The following NUP133 variants were observed in gnomAD, a reference collection of about 807,000 sequenced individuals.
The protein encoded by NUP133 is nuclear pore complex protein Nup133.
In NUP133, 66 loss-of-function variants were observed where a neutral mutation model predicts 146.2. That is an observed-to-expected ratio of 0.45 (90% CI 0.37 to 0.55). The LOEUF is 0.55. Among genes scored for constraint, NUP133 ranks in the 20% least tolerant of loss-of-function variants. The pLI, the probability that NUP133 is intolerant of heterozygous loss-of-function variation, is 0.00. For missense variants in NUP133, 1,277 were observed against 1,374.8 expected, an observed-to-expected ratio of 0.93 and a Z score of 1.12; for synonymous variants, 521 against 498.8, an observed-to-expected ratio of 1.04 and a Z score of -0.59.
intron 12 of NUP133, among the ~76,000 whole-genome samples, chr1:229,479,826 G>A (rs1415005746): frequency 6.6e-6 from 1 of 152,214 alleles, no homozygotes; most frequent in Non-Finnish European, 1.5e-5. Context: ...GAGAGGGAAT[G>A]TGGTCGACAA....
intron 15 of NUP133, among the ~76,000 whole-genome samples, chr1:229,469,671 G>A (rs2102761747): frequency 6.6e-6 from 1 of 152,362 alleles, no homozygotes; most frequent in East Asian, 1.9e-4. Context: ...CACAGCCAAT[G>A]TAAAGTGCGC....
chr1:229,455,049 T>C (rs1041785906), intron 21 of NUP133, among the ~76,000 whole-genome samples: 1 of 152,134 alleles, frequency 6.6e-6, no homozygotes, highest in Non-Finnish European at 1.5e-5. Context: ...AAATTAACTA[T>C]CCAAGGTCAC....
At chr1:229,504,146 T>A (rs1235436554) in intron 2 of NUP133, among the ~76,000 whole-genome samples, 1 of 152,138 alleles carries the variant, frequency 6.6e-6, no homozygotes, top group Non-Finnish European at 1.5e-5. Context: ...TTTCAGCATT[T>A]TTTTTTTACT....
chr1:229,505,642 T>C (rs1450665988), intron 2 of NUP133, among the ~76,000 whole-genome samples: 3 of 148,112 alleles, frequency 2.0e-5, no homozygotes, highest in Admixed American at 1.3e-4. Context: ...ATCCCAGCAC[T>C]TTGGGAGGCC....
chr1:229,479,287 C>T (rs1005873512), intron 12 of NUP133, among the ~76,000 whole-genome samples: 33 of 152,124 alleles, frequency 2.2e-4, no homozygotes, highest in Non-Finnish European at 1.0e-4. Flanking sequence ...TGAAAACATG[C>T]TGTGAATTTT....
intron 25 of NUP133, among the ~76,000 whole-genome samples, chr1:229,442,674 TA>T (rs201068109): frequency 3.4e-5 from 5 of 145,528 alleles, no homozygotes; most frequent in East Asian, 2.0e-4. Flanking sequence ...GATACTGGTT[TA>T]AAAAAAAAAC....
At position 229,458,300 on chromosome 1, in the gene NUP133, CAAT is replaced by C; in HGVS notation, c.2845-7_2845-5del. ...AACCCAGAAGTGTTGCATGAGCCTA[CAAT>C]AAAATATGCAAACCATCGTAAGATA... On this transcript the variant is annotated splice_polypyrimidine_tract_variant and splice_region_variant and intron_variant, in intron 20 of 25. Transcript: ENST00000261396. 1 of 1,609,288 alleles carries C rather than the reference CAAT, an allele frequency of 6.2e-7. No homozygotes were observed. The highest frequency in any genetic ancestry group is 8.5e-7 in the Non-Finnish European group (1 of 1,177,560).
At chr1:229,472,858 G>C (rs993683812) in intron 14 of NUP133, among the ~76,000 whole-genome samples, 2 of 151,818 alleles carry the variant, frequency 1.3e-5, no homozygotes, top group African/African-American at 4.8e-5. Context: ...GTACTGTTCT[G>C]AAGTGTTGGT....
intron 2 of NUP133, among the ~76,000 whole-genome samples, chr1:229,503,941 G>A (rs1661869825): frequency 6.6e-6 from 1 of 151,870 alleles, no homozygotes; most frequent in South Asian, 2.1e-4. Flanking sequence ...AATGTAAACT[G>A]AAATTTTTAG....
At position 229,441,950 on chromosome 1, in the gene NUP133, A is replaced by C; in HGVS notation, c.3425T>G (p.Phe1142Cys). The C allele has an allele frequency of 6.3e-7, 1 of 1,582,962 alleles. No homozygotes were observed. The highest frequency in any genetic ancestry group is 8.5e-7 in the Non-Finnish European group (1 of 1,171,920). Residue 1142 changes from phenylalanine (F) to cysteine (C), a missense_variant, in exon 26 of 26, where the codon TTT becomes TGT. Physicochemically the swap from Phe to Cys is radical, Grantham distance 205. Transcript: ENST00000261396. The part of the protein sequence containing the change: ...GSLKSNPYFE[F>C]VLKANYEYYV... ...ATATTCATAATTTGCTTTCAAAACAAACTCGAAGTAAGGATTGGACTTTAA... is the reference window on the plus strand; with the variant it reads ...ATATTCATAATTTGCTTTCAAAACACACTCGAAGTAAGGATTGGACTTTAA...
chr1:229,487,272 TA>T (rs1186898686), intron 10 of NUP133, among the ~76,000 whole-genome samples, 193 bp downstream of exon 10: 1 of 152,198 alleles, frequency 6.6e-6, no homozygotes. Context: ...TCTGTAAATA[TA>T]ATAGTTTGGA....
chr1:229,452,390 G>A lies in NUP133; in HGVS notation c.3099+135C>T, dbSNP rs891709801. The A allele has an allele frequency of 1.3e-4, 72 of 564,218 alleles. No homozygotes were observed. In the African/African-American group the frequency reaches 1.3e-3, roughly 10 times the overall value. The allele number at this position is 564,218 out of a possible 1,614,324, so 35.0% of individuals were successfully genotyped here. ...CTGTTCCCAAACAGCTTCAAACAACGTTTTTCTAGGGGAGTTTTCTGGAAG... is the reference window on the plus strand; with the variant it reads ...CTGTTCCCAAACAGCTTCAAACAACATTTTTCTAGGGGAGTTTTCTGGAAG... On this transcript the variant is annotated intron_variant, in intron 22 of 25. Transcript: ENST00000261396.
At chr1:229,505,740 T>C (rs1187016286) in intron 2 of NUP133, among the ~76,000 whole-genome samples, 2 of 151,670 alleles carry the variant, frequency 1.3e-5, no homozygotes, top group African/African-American at 4.8e-5. Context: ...TACAAAAAAT[T>C]AGCTGGGCGT....
At chr1:229,495,783 G>A (rs1348499056) in intron 7 of NUP133, 109 bp downstream of exon 7, 1 of 1,026,850 alleles carries the variant, frequency 9.7e-7, no homozygotes, top group Non-Finnish European at 1.4e-6. Context: ...CATACACTAT[G>A]TTGTTTATTA....
chr1:229,498,644 C>T (rs1044644929), intron 5 of NUP133, among the ~76,000 whole-genome samples: 4 of 151,766 alleles, frequency 2.6e-5, no homozygotes, highest in Non-Finnish European at 4.4e-5. Flanking sequence ...TAATCCCAGC[C>T]ACTTGGGAGG....
intron 25 of NUP133, among the ~76,000 whole-genome samples, chr1:229,443,824 G>C (rs1333452021): frequency 6.7e-6 from 1 of 148,168 alleles, no homozygotes; most frequent in East Asian, 2.0e-4. Context: ...CACCTCCTGG[G>C]CTCAAGCAAT....
chr1:229,502,078 A>G lies in NUP133; in HGVS notation c.326T>C (p.Ile109Thr), dbSNP rs1291982128. ...AEVDDQLTIN[I>T]DEGGWACLVC... ...CAGACAAGCCCATCCACCTTCATCT[A>G]TGTTAATGGTCAGCTGGTCATCGAC... The change falls in exon 3 of 26, where the codon ATA (isoleucine) becomes ACA (threonine). Residue 109 changes from isoleucine to threonine, a missense_variant. Ile to Thr is a moderately conservative substitution (Grantham distance 89). Around this residue, in one of 3 missense-constraint regions of NUP133, gnomAD observed 319 missense variants for 306.9 expected, o/e 1.04. Coordinates refer to ENST00000261396, the MANE Select transcript of NUP133 (RefSeq NM_018230.3). 1.9e-6 allele frequency: 3 copies of G among 1,613,862 alleles called. No individual in the cohort carries two copies. Among genetic ancestry groups the G allele is most frequent in the South Asian group, 1.1e-5 (1 of 91,080 alleles).
At chr1:229,446,983 G>A (rs1197061273) in intron 24 of NUP133, among the ~76,000 whole-genome samples, 1 of 151,990 alleles carries the variant, frequency 6.6e-6, no homozygotes, top group East Asian at 1.9e-4. Flanking sequence ...AATTAGCCAG[G>A]CGTGGTGGTA....
At chr1:229,452,076 A>T (rs74700953) in intron 22 of NUP133, among the ~76,000 whole-genome samples, 2,559 of 152,286 alleles carry the variant, frequency 0.017, 74 homozygotes, top group African/African-American at 0.058. Flanking sequence ...TCTTCTCTAG[A>T]CTGCAGTCCG....
Sources: allele counts gnomAD v4.1 joint callset (sites outside exome capture counted in the v4.1 genomes callset), GRCh38; gene constraint gnomAD v4.1.1; regional missense constraint gnomAD v4.1.1; transcripts MANE v1.5; gene names NCBI Gene and HGNC (gene_info 2026-07-23, HGNC 2026-07-21).